The following MAJIN variants were observed in gnomAD, a reference collection of about 807,000 sequenced individuals.
MAJIN encodes membrane-anchored junction protein.
Under a neutral mutation model 30.2 loss-of-function variants are expected in MAJIN, and 27 were observed. The ratio of observed to expected loss-of-function variants is 0.89; its 90% CI spans 0.66 to 1.23. The LOEUF (loss-of-function observed/expected upper bound fraction) is 1.23, where lower values mean the gene tolerates loss of function less well. MAJIN is among the 50% of genes most tolerant of loss of function. MAJIN has a pLI of 0.00. For synonymous variants in MAJIN, 78 were observed against 91.6 expected (o/e 0.85, Z 0.85); for missense variants, 253 against 260.3 (o/e 0.97, Z 0.19).
rs938981160 is a variant in MAJIN, at chr11:64,938,356, A to G, written c.*219T>C. 30 of 665,324 alleles carry G rather than the reference A, an allele frequency of 4.5e-5. No homozygotes were observed. The African/African-American group carries it at 4.7e-4, about 10-fold the overall frequency. 41.2% of individuals were successfully genotyped at this position (665,324 alleles called of 1,614,324 possible). A position where few individuals can be genotyped will look rare whatever the true frequency, so the allele number is the denominator to read the frequency against. On this transcript the variant is annotated 3_prime_UTR_variant, in exon 11 of 11. Coordinates refer to ENST00000301896, the MANE Select transcript of MAJIN (RefSeq NM_001037225.3). ...TTAATGTTTTAAATTGGGGGAAAAA[A>G]TCTATTATAAAGGGGCAAAGGACAC...
chr11:64,944,995 C>A (rs902520796), intron 8 of MAJIN, among the ~76,000 whole-genome samples: 3 of 152,094 alleles, frequency 2.0e-5, no homozygotes, highest in African/African-American at 7.2e-5. Context: ...AGGGGCCAGC[C>A]CTTCACTGCT....
intron 3 of MAJIN, 43 bp from the exon 4 acceptor site, chr11:64,954,845 A>T (rs765570933): frequency 6.5e-7 from 1 of 1,546,160 alleles, no homozygotes; most frequent in South Asian, 1.2e-5. Context: ...CATGAAGGAA[A>T]GCTCTGGAGA....
intron 9 of MAJIN, 170 bp from the exon 10 acceptor site, chr11:64,939,937 G>A (rs757120748): frequency 3.6e-6 from 2 of 551,728 alleles, no homozygotes; most frequent in Non-Finnish European, 6.4e-6. Flanking sequence ...AGCTCAGTAA[G>A]ATGCTATTCT....
At chr11:64,957,015 C>T (rs1945646593) in intron 3 of MAJIN, among the ~76,000 whole-genome samples, 1 of 152,054 alleles carries the variant, frequency 6.6e-6, no homozygotes, top group Admixed American at 6.5e-5. Flanking sequence ...GATCCGCCTG[C>T]CTCGGCCTCC....
chr11:64,942,686 A>G (rs903849494), intron 8 of MAJIN, among the ~76,000 whole-genome samples: 11 of 152,154 alleles, frequency 7.2e-5, no homozygotes, highest in South Asian at 4.1e-4. Context: ...CCCAGACCAC[A>G]TGGGCAGCCA....
At chr11:64,952,411 C>G (rs895113816) in intron 4 of MAJIN, among the ~76,000 whole-genome samples, 1 of 151,970 alleles carries the variant, frequency 6.6e-6, no homozygotes, top group East Asian at 1.9e-4. Context: ...TGGTCACAAA[C>G]TCCTGACCTC....
intron 6 of MAJIN, among the ~76,000 whole-genome samples, chr11:64,948,711 C>T (rs1194689493): frequency 8.7e-6 from 1 of 115,110 alleles, no homozygotes; most frequent in Non-Finnish European, 1.7e-5. Context: ...GGCTGGAGTG[C>T]AGGGGCGTGA....
In MAJIN at chr11:64,953,574, C is replaced by T. The variant is rs143966652; in HGVS notation, c.147+1183G>A. Among the ~76,000 whole-genome samples, 171 of 152,206 alleles carry T rather than the reference C, an allele frequency of 1.1e-3. 1 individual carries two copies. Among genetic ancestry groups the T allele is most frequent in the African/African-American group, 3.9e-3 (161 of 41,528 alleles). Reference sequence around the variant, plus strand: ...TTGGGAGGCCGAGGCTGGTGGATCACGAGGTCAAGAGATCGAGACCATCCT... The same window carrying T: ...TTGGGAGGCCGAGGCTGGTGGATCATGAGGTCAAGAGATCGAGACCATCCT... On this transcript the variant is annotated intron_variant, in intron 4 of 10. Coordinates refer to ENST00000301896, the MANE Select transcript of MAJIN (RefSeq NM_001037225.3).
intron 6 of MAJIN, 32 bp from the exon 7 acceptor site, chr11:64,947,851 T>G: frequency 2.5e-6 from 4 of 1,571,298 alleles, no homozygotes; most frequent in Non-Finnish European, 3.5e-6. Context: ...TCATAATAGA[T>G]TTAAGACTTT....
intron 3 of MAJIN, among the ~76,000 whole-genome samples, chr11:64,955,047 G>C (rs1018164945): frequency 6.6e-6 from 1 of 152,158 alleles, no homozygotes; most frequent in African/African-American, 2.4e-5. Context: ...GTTAATCATT[G>C]GTTACAACAG....
chr11:64,968,021 G>C (rs111909962), intron 1 of MAJIN, among the ~76,000 whole-genome samples: 54 of 152,078 alleles, frequency 3.6e-4, no homozygotes, highest in African/African-American at 1.3e-3. Context: ...CAACGATCAC[G>C]GGGAAAAGCA....
chr11:64,945,378 A>C (rs1945436881), intron 8 of MAJIN, among the ~76,000 whole-genome samples: 2 of 151,832 alleles, frequency 1.3e-5, no homozygotes, highest in South Asian at 4.2e-4. Context: ...AACAAACAAA[A>C]AAACAAAAAC....
chr11:64,944,665 G>GA (rs1262650658), intron 8 of MAJIN, among the ~76,000 whole-genome samples: 4 of 150,832 alleles, frequency 2.7e-5, no homozygotes, highest in African/African-American at 4.9e-5. Flanking sequence ...TCTCAAAAAT[G>GA]AAAAAAAAAT....
At chr11:64,965,755 TACTATCCTGGCTAA>T (rs1945796760) in intron 1 of MAJIN, among the ~76,000 whole-genome samples, 2 of 151,880 alleles carry the variant, frequency 1.3e-5, no homozygotes, top group Admixed American at 1.3e-4. Context: ...AGGAGATCGA[TACTATCCTGGCTAA>T]CACGGTGAAA....
intron 9 of MAJIN, 25 bp downstream of exon 9, chr11:64,940,549 T>A (rs915869843): frequency 1.3e-6 from 2 of 1,598,284 alleles, no homozygotes; most frequent in South Asian, 1.1e-5. Flanking sequence ...TAAAGGAGAA[T>A]AAATGGAAAT....
intron 8 of MAJIN, 86 bp downstream of exon 8, chr11:64,947,288 C>T (rs1331379277): frequency 1.2e-5 from 14 of 1,164,086 alleles, no homozygotes; most frequent in East Asian, 1.0e-4. Flanking sequence ...GAAAGTGACT[C>T]GCCCAAGGAC....
chr11:64,963,297 C>T (rs142007717), intron 1 of MAJIN, among the ~76,000 whole-genome samples: 1,634 of 152,282 alleles, frequency 0.011, 16 homozygotes, highest in Non-Finnish European at 0.015. Context: ...ATGTAAATGA[C>T]ACATAGGGAC....
intron 3 of MAJIN, among the ~76,000 whole-genome samples, chr11:64,957,389 C>G (rs138890855): frequency 6.6e-6 from 1 of 151,384 alleles, no homozygotes; most frequent in African/African-American, 2.4e-5. Context: ...CAAAAGTTCC[C>G]TTCGATTTCT....
At chr11:64,963,884 G>C (rs1286780094) in intron 1 of MAJIN, among the ~76,000 whole-genome samples, 5 of 152,102 alleles carry the variant, frequency 3.3e-5, no homozygotes. Context: ...ATGAAAATCT[G>C]ATGCTATGAA....
Sources: gnomAD v4.1 joint callset for allele counts (sites outside exome capture counted in the v4.1 genomes callset) on GRCh38, gnomAD v4.1.1 for gene constraint, MANE v1.5 for transcripts, NCBI Gene and HGNC (gene_info 2026-07-23, HGNC 2026-07-21) for gene names.